Variants in PIEZO2 observed in about 807,000 individuals in gnomAD.
PIEZO2 encodes the protein piezo type mechanosensitive ion channel component 2.
A neutral mutation model predicts 337.3 loss-of-function variants in PIEZO2; 172 were observed. The observed-to-expected ratio is 0.51, with a 90% confidence interval of 0.45 to 0.58. The LOEUF is 0.58. Among genes scored for constraint, PIEZO2 ranks in the 20% least tolerant of loss-of-function variants. The probability of loss-of-function intolerance (pLI) is 0.00; values close to 1 mark genes in which losing one functional copy is unlikely to be tolerated. For synonymous variants in PIEZO2, 1,251 were observed against 1,228.5 expected, an observed-to-expected ratio of 1.02 and a Z score of -0.38; for missense variants, 3,028 against 3,391.3, an observed-to-expected ratio of 0.89 and a Z score of 2.66.
rs537736886 is a variant in PIEZO2, at chr18:11,127,067, A to G, written c.64+21458T>C. Among the ~76,000 whole-genome samples, 3 of 152,278 alleles carry G rather than the reference A, an allele frequency of 2.0e-5. No homozygotes were observed. The South Asian group carries it at 6.2e-4, about 32-fold the overall frequency. ...CAAACGGTTTAGTTGGAGGAGAGAGAAGGAGGCAGGAGGCAGATATTACTA... is the reference window on the plus strand; with the variant it reads ...CAAACGGTTTAGTTGGAGGAGAGAGGAGGAGGCAGGAGGCAGATATTACTA... On this transcript the variant is annotated intron_variant, in intron 1 of 55. Coordinates refer to ENST00000674853, the MANE Select transcript of PIEZO2 (RefSeq NM_001378183.1). This position sits in a 1 kb window ranked among gnomAD's most constrained non-coding sequence, Gnocchi z 4.5.
At chr18:11,137,417 A>T (rs2040519455) in intron 1 of PIEZO2, among the ~76,000 whole-genome samples, 1 of 152,250 alleles carries the variant, frequency 6.6e-6, no homozygotes, top group African/African-American at 2.4e-5. Flanking sequence ...ATGTGCAGAA[A>T]TATTACCCTG....
At chr18:11,144,042 A>T (rs1350351473) in intron 1 of PIEZO2, among the ~76,000 whole-genome samples, 1 of 152,148 alleles carries the variant, frequency 6.6e-6, no homozygotes, top group African/African-American at 2.4e-5. Context: ...CATGAGGTCA[A>T]TGAGAGTCTC....
rs115836306 is a variant in PIEZO2 at position 11,077,679 on chromosome 18, T to C, written c.65-11457A>G. ...CAGAAGTTCTCTCTTTATAGATTCA[T>C]AGAGATTTCAAGTTTGGGAAGTTGT... On this transcript the variant is annotated intron_variant, in intron 1 of 55. Coordinates refer to ENST00000674853, the MANE Select transcript of PIEZO2 (RefSeq NM_001378183.1). This position sits in a 1 kb window ranked among gnomAD's most constrained non-coding sequence, Gnocchi z 4.8. 5.5e-3 allele frequency among the ~76,000 whole-genome samples: 835 copies of C among 152,228 alleles called. 4 individuals are homozygous for C. The highest frequency in any genetic ancestry group is 0.019 in the African/African-American group (784 of 41,536).
rs1170244561 is a variant in PIEZO2, at chr18:10,861,179, G to GCTA, written c.493-3969_493-3968insTAG. On this transcript the variant is annotated intron_variant, in intron 5 of 55. Transcript: ENST00000674853. The surrounding 1 kb of genome is among the most constrained non-coding windows in gnomAD (Gnocchi z 4.3). ...CTAACAGGCAGTCTTGCTTGCTGGA[G>GCTA]CTGTAAGCTGTCCCTGCAGCGGAAC... Among the ~76,000 whole-genome samples, 166 of 152,354 alleles carry GCTA rather than the reference G, an allele frequency of 1.1e-3. No homozygotes were observed. Among genetic ancestry groups the GCTA allele is most frequent in the African/African-American group, 3.8e-3 (159 of 41,584 alleles).
intron 1 of PIEZO2, among the ~76,000 whole-genome samples, chr18:11,068,431 A>G (rs2038226669): frequency 6.6e-6 from 1 of 152,222 alleles, no homozygotes; most frequent in Non-Finnish European, 1.5e-5. Flanking sequence ...TAAACAGTCA[A>G]TGAGTCAAAG....
rs2038695236 is a variant in PIEZO2 at position 10,773,929 on chromosome 18, G to C, written c.2567+77C>G. 1.5e-6 allele frequency: 1 copy of C among 685,274 alleles called. No homozygotes were observed. Among genetic ancestry groups the C allele is most frequent in the South Asian group, 1.6e-5 (1 of 64,266 alleles). The allele number at this position is 685,274 out of a possible 1,614,324, so 42.4% of individuals were successfully genotyped here. A position where few individuals can be genotyped will look rare whatever the true frequency, so the allele number is the denominator to read the frequency against. ...TGACATTTTTCCCAGAGGAGAAAAT[G>C]GTCAGAGTTTAGGGTGTAGAAGCAT... On this transcript the variant is annotated intron_variant, in intron 19 of 55. Coordinates refer to ENST00000674853, the MANE Select transcript of PIEZO2 (RefSeq NM_001378183.1). This position sits in a 1 kb window ranked among gnomAD's most constrained non-coding sequence, Gnocchi z 5.3.
rs551430362 is a variant in PIEZO2, at chr18:10,942,263, A to G, written c.287-31035T>C. Among the ~76,000 whole-genome samples the G allele has an allele frequency of 6.6e-6, 1 of 152,350 alleles. No individual in the cohort carries two copies. Among genetic ancestry groups the G allele is most frequent in the African/African-American group, 2.4e-5 (1 of 41,586 alleles). ...GCGATTTTGGAACTGGGTAACATGC[A>G]GAGGTTGGAACAGCTTAGAGGGCTC... On this transcript the variant is annotated intron_variant, in intron 3 of 55. Coordinates refer to ENST00000674853, the MANE Select transcript of PIEZO2 (RefSeq NM_001378183.1). The surrounding 1 kb of genome is among the most constrained non-coding windows in gnomAD (Gnocchi z 4.4).
Position 10,775,678 on chromosome 18 carries a change from T to G in PIEZO2, c.2535-1640A>C, listed in dbSNP as rs572869952. ...CCAAACTGCCATGCCACAGGCAGGG[T>G]GCATTGAGGAGAGATCGTTCAATGA... On this transcript the variant is annotated intron_variant, in intron 18 of 55. Coordinates refer to ENST00000674853, the MANE Select transcript of PIEZO2 (RefSeq NM_001378183.1). The surrounding 1 kb of genome is among the most constrained non-coding windows in gnomAD (Gnocchi z 4.3). Among the ~76,000 whole-genome samples the G allele has an allele frequency of 3.2e-4, 49 of 152,212 alleles. No homozygotes were observed. The South Asian group carries it at 1.0e-2, about 31-fold the overall frequency.
At chr18:10,818,690 A>G (rs909723903) in intron 7 of PIEZO2, among the ~76,000 whole-genome samples, 1 of 152,324 alleles carries the variant, frequency 6.6e-6, no homozygotes, top group Admixed American at 6.5e-5. Flanking sequence ...AGTAAATAAG[A>G]TATGAGTTTG....
intron 1 of PIEZO2, among the ~76,000 whole-genome samples, chr18:11,085,014 A>T (rs1260364468): frequency 2.0e-5 from 3 of 152,242 alleles, no homozygotes; most frequent in African/African-American, 7.2e-5. Flanking sequence ...GACCTGTGAA[A>T]AACAGCTGCT....
chr18:11,034,075 G>A (rs534313072), intron 2 of PIEZO2, among the ~76,000 whole-genome samples: 2 of 152,258 alleles, frequency 1.3e-5, no homozygotes, highest in African/African-American at 2.4e-5. Flanking sequence ...ACCCAATGCT[G>A]TGTGTGCGAA....
intron 5 of PIEZO2, among the ~76,000 whole-genome samples, chr18:10,867,305 TA>T (rs767567201): frequency 1.8e-4 from 27 of 152,074 alleles, no homozygotes; most frequent in Admixed American, 9.8e-4. Context: ...TCTTGCTCTT[TA>T]AAAAAAACAG....
intron 7 of PIEZO2, among the ~76,000 whole-genome samples, chr18:10,829,709 C>T (rs2040785757): frequency 6.6e-6 from 1 of 151,778 alleles, no homozygotes; most frequent in South Asian, 2.1e-4. Flanking sequence ...ATAACAGTTA[C>T]AAACAAAACA....
At position 10,888,354 on chromosome 18, in the gene PIEZO2, T is replaced by G. The variant is rs1202365784; in HGVS notation, c.330-16939A>C. Among the ~76,000 whole-genome samples, 1 of 152,188 alleles carries G rather than the reference T, an allele frequency of 6.6e-6. No homozygotes were observed. The highest frequency in any genetic ancestry group is 2.4e-5 in the African/African-American group (1 of 41,444). ...TGTCCTTGTCATTCACTGTGCATTC[T>G]TCTACTTTCTGACACAGTAAGGTTT... is the stretch of plus-strand genomic sequence containing the variant. On this transcript the variant is annotated intron_variant, in intron 4 of 55. Coordinates refer to ENST00000674853, the MANE Select transcript of PIEZO2 (RefSeq NM_001378183.1). This position sits in a 1 kb window ranked among gnomAD's most constrained non-coding sequence, Gnocchi z 4.1.
chr18:10,781,314 AG>A lies in PIEZO2; in HGVS notation c.2493-949del, dbSNP rs1448931996. ...TGAAACCCCCGTCTCTATTAAAAATAGAAAAATTAGCCAGGCATGGTGGCAC... is the reference window on the plus strand; with the variant it reads ...TGAAACCCCCGTCTCTATTAAAAATAAAAAATTAGCCAGGCATGGTGGCAC... On this transcript the variant is annotated intron_variant, in intron 17 of 55. Coordinates refer to ENST00000674853, the MANE Select transcript of PIEZO2 (RefSeq NM_001378183.1). The surrounding 1 kb of genome is among the most constrained non-coding windows in gnomAD (Gnocchi z 4.1). Among the ~76,000 whole-genome samples the A allele has an allele frequency of 6.6e-6, 1 of 151,662 alleles. No homozygotes were observed. Among genetic ancestry groups the A allele is most frequent in the Non-Finnish European group, 1.5e-5 (1 of 68,010 alleles).
chr18:11,024,381 TA>T (rs1457103765), intron 2 of PIEZO2, among the ~76,000 whole-genome samples: 8 of 151,400 alleles, frequency 5.3e-5, no homozygotes, highest in Admixed American at 2.6e-4. Context: ...CCACCTCTAC[TA>T]AAAAATACAA....
At position 11,131,048 on chromosome 18, in the gene PIEZO2, C is replaced by T. The variant is rs1158837408; in HGVS notation, c.64+17477G>A. Among the ~76,000 whole-genome samples, 1 of 152,202 alleles carries T rather than the reference C, an allele frequency of 6.6e-6. No individual in the cohort carries two copies. Among genetic ancestry groups the T allele is most frequent in the Non-Finnish European group, 1.5e-5 (1 of 68,026 alleles). On this transcript the variant is annotated intron_variant, in intron 1 of 55. Transcript: ENST00000674853. The surrounding 1 kb of genome is among the most constrained non-coding windows in gnomAD (Gnocchi z 5.3). The stretch of plus-strand genomic sequence containing the variant: ...TATAGGTGAATCACAGCAAAGGCCT[C>T]TAGGATTTTGGAGCAAGGCCCTGCC...
rs919550684 is a variant in PIEZO2 at position 10,724,698 on chromosome 18, G to A, written c.5030-6439C>T. The A allele has an allele frequency of 3.2e-6, 4 of 1,230,782 alleles. No individual in the cohort carries two copies. Among genetic ancestry groups the A allele is most frequent in the African/African-American group, 1.5e-5 (1 of 66,618 alleles). The allele number at this position is 1,230,782 out of a possible 1,614,324, so 76.2% of individuals were successfully genotyped here. A position where few individuals can be genotyped will look rare whatever the true frequency, so the allele number is the denominator to read the frequency against. ...CCAGTCTGCTGTCCCTGCGTCATAG[G>A]CTGAAGCACTCAGACCGAGATGGGC... On this transcript the variant is annotated intron_variant, in intron 36 of 55. Coordinates refer to ENST00000674853, the MANE Select transcript of PIEZO2 (RefSeq NM_001378183.1). The surrounding 1 kb of genome is among the most constrained non-coding windows in gnomAD (Gnocchi z 5.8).
At chr18:10,751,408 T>G (rs573387527) in intron 28 of PIEZO2, among the ~76,000 whole-genome samples, 1 of 152,238 alleles carries the variant, frequency 6.6e-6, no homozygotes, top group Admixed American at 6.5e-5. Context: ...TCCTGTCTCA[T>G]GCTCTCTTCA....
Sources: gnomAD v4.1 joint callset for allele counts (sites outside exome capture counted in the v4.1 genomes callset) on GRCh38, gnomAD v4.1.1 for gene constraint, Gnocchi (gnomAD v3.1) non-coding constraint, MANE v1.5 for transcripts, NCBI Gene and HGNC (gene_info 2026-07-23, HGNC 2026-07-21) for gene names.